IDE: variants seen among roughly 807,000 people sequenced by gnomAD.
IDE encodes the protein insulin degrading enzyme.
IDE carries 58 observed loss-of-function variants against 133.2 expected under a neutral mutation model. The observed-to-expected ratio is 0.44, with a 90% CI of 0.35 to 0.54. The LOEUF (loss-of-function observed/expected upper bound fraction) is 0.54, where lower values mean the gene tolerates loss of function less well. IDE is among the 20% of genes least tolerant of loss of function. The probability of loss-of-function intolerance (pLI) is 0.00; values close to 1 mark genes in which losing one functional copy is unlikely to be tolerated. For missense variants in IDE, 981 were observed against 1,234.0 expected (o/e 0.79, Z 3.07); for synonymous variants, 396 against 421.3 (o/e 0.94, Z 0.73).
At chr10:92,487,883 A>C (rs185007566) in intron 12 of IDE, among the ~76,000 whole-genome samples, 3 of 152,126 alleles carry the variant, frequency 2.0e-5, no homozygotes, top group Admixed American at 2.0e-4. Context: ...TGCAACCTCC[A>C]CCTCCTGCGT....
chr10:92,493,263 G>A (rs997625546), intron 11 of IDE, among the ~76,000 whole-genome samples: 4 of 152,092 alleles, frequency 2.6e-5, no homozygotes, highest in East Asian at 1.9e-4. Context: ...CTAGGAACTC[G>A]GGCTTCCACT....
intron 4 of IDE, among the ~76,000 whole-genome samples, chr10:92,526,358 C>T (rs1467903014): frequency 1.3e-5 from 2 of 151,752 alleles, no homozygotes; most frequent in Non-Finnish European, 2.9e-5. Context: ...ATATTCTTCA[C>T]AGAAATAGAA....
intron 1 of IDE, among the ~76,000 whole-genome samples, chr10:92,557,874 C>CAAAAAAAAAAAAAAAAAAA (rs3051565): frequency 9.2e-6 from 1 of 108,340 alleles, no homozygotes. Context: ...GATTCCACCT[C>CAAAAAAAAAAAAAAAAAAA]AAAAAAAAAA....
chr10:92,471,797 C>G (rs1163361791), intron 17 of IDE, among the ~76,000 whole-genome samples: 1 of 152,198 alleles, frequency 6.6e-6, no homozygotes, highest in Non-Finnish European at 1.5e-5. Context: ...CTCCTGGGTT[C>G]AAGCGATTCT....
In IDE at chr10:92,537,370, G is replaced by C. The variant is rs1360005887; in HGVS notation, c.279C>G (p.His93Gln). 6.3e-7 allele frequency: 1 copy of C among 1,598,418 alleles called. No homozygotes were observed. Among genetic ancestry groups the C allele is most frequent in the Admixed American group, 1.8e-5 (1 of 55,530 alleles). ...TDKSSAALDV[H>Q]IGSLSDPPNI... ...ATTCACAATTTTCAATTGTACCTAT[G>C]TGCACATCAAGTGCTGCTGATGACT... The change falls in exon 2 of 25, where the codon CAC becomes CAG. Residue 93 changes from histidine (H) to glutamine (Q), a missense_variant. His to Gln is a conservative substitution (Grantham distance 24). Coordinates refer to ENST00000265986, the MANE Select transcript of IDE (RefSeq NM_004969.4).
chr10:92,495,913 C>T (rs1847670305), intron 11 of IDE, among the ~76,000 whole-genome samples: 1 of 150,814 alleles, frequency 6.6e-6, no homozygotes, highest in African/African-American at 2.4e-5. Flanking sequence ...GTTGCTCTAT[C>T]CCCCAGGCTG....
At chr10:92,463,631 TAAC>T in intron 21 of IDE, 97 bp downstream of exon 21, 1 of 1,095,988 alleles carries the variant, frequency 9.1e-7, no homozygotes. Flanking sequence ...CCCAAATAGG[TAAC>T]GGAATATCAC....
At position 92,573,949 on chromosome 10, in the gene IDE, C is replaced by T. The variant is rs953544935; in HGVS notation, c.71G>A (p.Arg24His). ...ACACAGGCGCTCCGGAGGCGGCAGGCGGGCGCCGAGGACTGAGCGGAAGGT... is the reference window on the plus strand; with the variant it reads ...ACACAGGCGCTCCGGAGGCGGCAGGTGGGCGCCGAGGACTGAGCGGAAGGT... ...PSTFRSVLGA[R>H]LPPPERLCGF... The change falls in exon 1 of 25, where the codon CGC becomes CAC. Residue 24 changes from arginine (R) to histidine (H), a missense_variant. Arg to His is a conservative substitution (Grantham distance 29). Coordinates refer to ENST00000265986, the MANE Select transcript of IDE (RefSeq NM_004969.4). The T allele has an allele frequency of 6.8e-7, 1 of 1,473,730 alleles. No homozygotes were observed. The highest frequency in any genetic ancestry group is 8.9e-7 in the Non-Finnish European group (1 of 1,117,718). 91.3% of individuals were successfully genotyped at this position (1,473,730 alleles called of 1,614,324 possible).
In IDE at chr10:92,534,583, T is replaced by C. The variant is rs779560121; in HGVS notation, c.486A>G (p.Leu162=). ...CATAGGGTATTCTGCATTACCTGTC[T>C]AGGGCACCTTCTAGGTGTTCATGAG... The part of the protein sequence containing the change: ...DVSHEHLEGA[L]DRFAQFFLCP... Residue 162 remains leucine (L), a synonymous_variant, in exon 3 of 25, where the codon CTA becomes CTG. Coordinates refer to ENST00000265986, the MANE Select transcript of IDE (RefSeq NM_004969.4). 5.6e-6 allele frequency: 9 copies of C among 1,605,106 alleles called. No homozygotes were observed. Among genetic ancestry groups the C allele is most frequent in the Middle Eastern group, 1.7e-4 (1 of 6,048 alleles).
intron 5 of IDE, among the ~76,000 whole-genome samples, chr10:92,514,432 T>C (rs1000017365): frequency 6.6e-6 from 1 of 151,994 alleles, no homozygotes; most frequent in Admixed American, 6.6e-5. Context: ...CCAATCTTTG[T>C]CCTTTTTGTG....
intron 21 of IDE, 23 bp downstream of exon 21, chr10:92,463,708 T>C (rs772364381): frequency 3.7e-6 from 6 of 1,603,158 alleles, no homozygotes; most frequent in African/African-American, 2.7e-5. Context: ...GCCATAAATG[T>C]TGGAGCCCTA....
At chr10:92,483,206 G>T in intron 14 of IDE, 49 bp downstream of exon 14, 1 of 933,878 alleles carries the variant, frequency 1.1e-6, no homozygotes, top group South Asian at 1.4e-5. Flanking sequence ...TCCTGGAAAC[G>T]TAATTGTTGA....
intron 1 of IDE, among the ~76,000 whole-genome samples, chr10:92,552,341 A>G (rs1468863311): frequency 6.6e-6 from 1 of 152,252 alleles, no homozygotes; most frequent in Non-Finnish European, 1.5e-5. Context: ...ATTGTTGGAA[A>G]AAGATGTTAT....
chr10:92,540,561 G>C (rs1455440775), intron 1 of IDE, among the ~76,000 whole-genome samples: 1 of 152,106 alleles, frequency 6.6e-6, no homozygotes, highest in East Asian at 1.9e-4. Flanking sequence ...GGAGAAAAGA[G>C]GTTGGTCTTC....
chr10:92,465,106 T>C (rs1402898073), intron 20 of IDE, among the ~76,000 whole-genome samples: 1 of 152,232 alleles, frequency 6.6e-6, no homozygotes, highest in African/African-American at 2.4e-5. Context: ...GTCCAGCACC[T>C]AGCACAATGG....
intron 1 of IDE, among the ~76,000 whole-genome samples, chr10:92,554,435 T>G (rs1842919041): frequency 6.6e-6 from 1 of 151,732 alleles, no homozygotes; most frequent in Admixed American, 6.6e-5. Context: ...TCCCAAGTAC[T>G]CAGGGATGCT....
chr10:92,546,466 G>A (rs760272644), intron 1 of IDE, among the ~76,000 whole-genome samples: 2 of 152,088 alleles, frequency 1.3e-5, no homozygotes, highest in African/African-American at 2.4e-5. Context: ...AATATCAACC[G>A]CCAAAAATCA....
At chr10:92,471,613 C>G (rs1845970520) in intron 17 of IDE, among the ~76,000 whole-genome samples, 1 of 152,078 alleles carries the variant, frequency 6.6e-6, no homozygotes, top group Admixed American at 6.6e-5. Context: ...AATACTTACC[C>G]CCTTGTCTCT....
At chr10:92,535,686 A>T (rs2135692222) in intron 2 of IDE, among the ~76,000 whole-genome samples, 1 of 152,306 alleles carries the variant, frequency 6.6e-6, no homozygotes, top group South Asian at 2.1e-4. Flanking sequence ...CACTGAGTTA[A>T]AAGTTTTTCA....
Sources: allele counts gnomAD v4.1 joint callset (sites outside exome capture counted in the v4.1 genomes callset), GRCh38; gene constraint gnomAD v4.1.1; transcripts MANE v1.5; gene names NCBI Gene and HGNC (gene_info 2026-07-23, HGNC 2026-07-21).